NOX4: variants seen among roughly 807,000 people sequenced by gnomAD.
The protein encoded by NOX4 is NADPH oxidase 4, also known as kidney oxidase-1.
NOX4 carries 69 observed loss-of-function variants against 87.6 expected under a neutral mutation model. That is an observed-to-expected ratio of 0.79 (90% confidence interval 0.65 to 0.96). NOX4 has a LOEUF of 0.96. Ranked by LOEUF, NOX4 falls within the 40% of genes least tolerant of loss-of-function variation. The probability of loss-of-function intolerance (pLI) is 0.00; values close to 1 mark genes in which losing one functional copy is unlikely to be tolerated. For synonymous variants in NOX4, 275 were observed against 238.2 expected, an observed-to-expected ratio of 1.15 and a Z score of -1.42; for missense variants, 680 against 681.5, an observed-to-expected ratio of 1.00 and a Z score of 0.02.
intron 12 of NOX4, among the ~76,000 whole-genome samples, chr11:89,358,617 G>C (rs1438074195): frequency 6.6e-6 from 1 of 151,286 alleles, no homozygotes. Flanking sequence ...CCTTAGAAAA[G>C]TTCAAGTAAA....
chr11:89,447,196 C>CA (rs1314595930), intron 4 of NOX4, among the ~76,000 whole-genome samples: 2 of 152,038 alleles, frequency 1.3e-5, no homozygotes, highest in Middle Eastern at 3.2e-3. Flanking sequence ...ACTATTTACA[C>CA]AAAACTCTCT....
At chr11:89,512,310 T>C in the NOX4 span, among the ~76,000 whole-genome samples, 319 of 152,198 alleles carry the variant, frequency 2.1e-3, no homozygotes, top group Middle Eastern at 6.8e-3. Flanking sequence ...CTCTTAATAA[T>C]TGTCAAGTGT....
chr11:89,568,448 C>T, the NOX4 span, among the ~76,000 whole-genome samples: 1 of 152,052 alleles, frequency 6.6e-6, no homozygotes, highest in Non-Finnish European at 1.5e-5. Flanking sequence ...CACACACATA[C>T]AAAAATACCT....
At chr11:89,550,191 C>CT in the NOX4 span, among the ~76,000 whole-genome samples, 51,492 of 145,964 alleles carry the variant, frequency 0.35, 9,036 homozygotes, top group Middle Eastern at 0.39. Context: ...GATAGCTAGT[C>CT]TTTTTTTTTT....
chr11:89,337,117 G>T (rs556726933), intron 16 of NOX4, among the ~76,000 whole-genome samples: 1 of 151,846 alleles, frequency 6.6e-6, no homozygotes, highest in East Asian at 1.9e-4. Flanking sequence ...AACTGTATAC[G>T]AACTCATCTT....
At chr11:89,472,028 T>C (rs984435074) in intron 2 of NOX4, among the ~76,000 whole-genome samples, 9 of 152,194 alleles carry the variant, frequency 5.9e-5, no homozygotes, top group Admixed American at 5.2e-4. Flanking sequence ...AGGCATGAGC[T>C]ACTGCACCTG....
intron 16 of NOX4, among the ~76,000 whole-genome samples, 192 bp downstream of exon 16, chr11:89,337,255 A>T (rs1945756490): frequency 6.6e-6 from 1 of 152,026 alleles, no homozygotes; most frequent in African/African-American, 2.4e-5. Context: ...TCCCTGTGAG[A>T]AGGACAAATG....
At chr11:89,476,272 T>G (rs1445725267) in intron 2 of NOX4, among the ~76,000 whole-genome samples, 1 of 152,184 alleles carries the variant, frequency 6.6e-6, no homozygotes, top group Non-Finnish European at 1.5e-5. Context: ...ATGTTACATT[T>G]GTCAGGCTTG....
the NOX4 span, among the ~76,000 whole-genome samples, chr11:89,569,863 G>A: frequency 5.3e-5 from 8 of 151,932 alleles, no homozygotes; most frequent in Admixed American, 1.3e-4. Context: ...TCAGCCAGGC[G>A]TGGTGGCGGG....
the NOX4 span, among the ~76,000 whole-genome samples, chr11:89,514,483 T>A: frequency 2.0e-5 from 3 of 152,170 alleles, no homozygotes; most frequent in East Asian, 5.8e-4. Context: ...TATTTCTTTA[T>A]AATTTTTATT....
intron 11 of NOX4, among the ~76,000 whole-genome samples, chr11:89,394,960 C>T (rs1185911229): frequency 6.6e-6 from 1 of 152,148 alleles, no homozygotes; most frequent in Non-Finnish European, 1.5e-5. Flanking sequence ...CCGCAATAAA[C>T]ATACGTGTGC....
chr11:89,436,182 G>C (rs558495241), intron 6 of NOX4, among the ~76,000 whole-genome samples: 1 of 152,286 alleles, frequency 6.6e-6, no homozygotes, highest in South Asian at 2.1e-4. Flanking sequence ...AAAATTCCCA[G>C]TCCACTGGTG....
the NOX4 span, among the ~76,000 whole-genome samples, chr11:89,579,494 A>G: frequency 5.3e-5 from 8 of 152,170 alleles, no homozygotes; most frequent in Non-Finnish European, 1.0e-4. Flanking sequence ...TATTTAAAGA[A>G]CAAAATAGCC....
chr11:89,360,305 A>T (rs1938421360), intron 12 of NOX4, among the ~76,000 whole-genome samples: 1 of 152,092 alleles, frequency 6.6e-6, no homozygotes, highest in Non-Finnish European at 1.5e-5. Context: ...AACAGGTCAT[A>T]AGAGAAAAGA....
rs1591074141 is a variant in NOX4 at position 89,383,193 on chromosome 11, C to G, written c.1075-9701G>C. Among the ~76,000 whole-genome samples the G allele has an allele frequency of 2.0e-5, 3 of 152,216 alleles. No individual in the cohort carries two copies. The East Asian group carries it at 5.8e-4, about 29-fold the overall frequency. On this transcript the variant is annotated intron_variant, in intron 11 of 17. Transcript: ENST00000263317. Reference sequence around the variant, plus strand: ...CCACATTTGCAGCACACAAGAACTTCAAAACGCCTAAGCCACAGCGGTCTG... The same window carrying G: ...CCACATTTGCAGCACACAAGAACTTGAAAACGCCTAAGCCACAGCGGTCTG...
intron 11 of NOX4, among the ~76,000 whole-genome samples, chr11:89,388,573 T>C (rs952369129): frequency 1.5e-4 from 23 of 152,186 alleles, no homozygotes; most frequent in Non-Finnish European, 3.4e-4. Flanking sequence ...CAATCGTTAT[T>C]GACTGTTGTC....
intron 7 of NOX4, among the ~76,000 whole-genome samples, chr11:89,427,974 G>C (rs776151612): frequency 3.3e-5 from 5 of 152,180 alleles, no homozygotes; most frequent in Non-Finnish European, 7.3e-5. Context: ...AGAGAGAAAG[G>C]TGGGGTTGCC....
the NOX4 span, among the ~76,000 whole-genome samples, chr11:89,585,743 C>T: frequency 1.1e-4 from 16 of 152,182 alleles, no homozygotes; most frequent in African/African-American, 3.9e-4. Flanking sequence ...ACAAATCTAA[C>T]TTTCCAGTTC....
At chr11:89,559,347 A>C in the NOX4 span, among the ~76,000 whole-genome samples, 7 of 152,170 alleles carry the variant, frequency 4.6e-5, no homozygotes, top group Non-Finnish European at 1.0e-4. Flanking sequence ...AGCTGGTCTG[A>C]GGAGATGAAG....
Sources: allele counts gnomAD v4.1 joint callset (sites outside exome capture counted in the v4.1 genomes callset), GRCh38; gene constraint gnomAD v4.1.1; transcripts MANE v1.5; gene names NCBI Gene and HGNC (gene_info 2026-07-23, HGNC 2026-07-21).